GPR137C: variants seen among roughly 807,000 people sequenced by gnomAD.
The protein encoded by GPR137C is integral membrane protein GPR137C.
GPR137C carries 27 observed loss-of-function variants against 43.4 expected under a neutral mutation model. The observed-to-expected ratio is 0.62, with a 90% CI of 0.46 to 0.86. The LOEUF is 0.86. Ranked by LOEUF, GPR137C falls within the 40% of genes least tolerant of loss-of-function variation. GPR137C has a pLI of 0.00. For missense variants in GPR137C, 522 were observed against 534.6 expected (o/e 0.98, Z 0.23); for synonymous variants, 285 against 226.9 (o/e 1.26, Z -2.30).
chr14:52,586,850 A>G (rs2038720113), intron 1 of GPR137C, among the ~76,000 whole-genome samples: 1 of 152,152 alleles, frequency 6.6e-6, no homozygotes, highest in African/African-American at 2.4e-5. Context: ...TCATTCTATC[A>G]ATTGTTTAGA....
In GPR137C at chr14:52,636,311, C is replaced by G. The variant is rs1340019338; in HGVS notation, c.*1196C>G. The G allele has an allele frequency of 6.6e-6, 1 of 151,854 alleles. No individual in the cohort carries two copies. The highest frequency in any genetic ancestry group is 1.5e-5 in the Non-Finnish European group (1 of 67,924). The allele number at this position is 151,854 out of a possible 1,614,324, so 9.4% of individuals were successfully genotyped here. ...ATTACATTAAAACTGTCTTAAATGT[C>G]CTATCCCAAATCTAAAAAAAAAGAA... On this transcript the variant is annotated 3_prime_UTR_variant, in exon 7 of 7. Coordinates refer to ENST00000321662, the MANE Select transcript of GPR137C (RefSeq NM_001099652.2).
At chr14:52,618,558 T>C (rs2039124622) in intron 3 of GPR137C, among the ~76,000 whole-genome samples, 1 of 152,124 alleles carries the variant, frequency 6.6e-6, no homozygotes, top group Non-Finnish European at 1.5e-5. Context: ...GCTGTTTGAT[T>C]TGCCTTCATT....
chr14:52,633,985 A>G (rs550177000), intron 6 of GPR137C, 39 bp downstream of exon 6: 3 of 1,183,662 alleles, frequency 2.5e-6, no homozygotes, highest in Non-Finnish European at 3.8e-6. Flanking sequence ...ATTACTATTG[A>G]AATTGATTGA....
At chr14:52,561,451 C>T (rs1401125499) in intron 1 of GPR137C, among the ~76,000 whole-genome samples, 1 of 152,090 alleles carries the variant, frequency 6.6e-6, no homozygotes, top group Non-Finnish European at 1.5e-5. Flanking sequence ...CAAAACAAAA[C>T]TTATGGAGAA....
intron 1 of GPR137C, 67 bp downstream of exon 1, chr14:52,553,658 T>G (rs1180637758): frequency 4.5e-4 from 301 of 674,684 alleles, no homozygotes; most frequent in Middle Eastern, 7.9e-4. Flanking sequence ...CAACTCCCGC[T>G]GAGGACCAGC....
intron 1 of GPR137C, among the ~76,000 whole-genome samples, chr14:52,558,988 A>G (rs2038237654): frequency 6.6e-6 from 1 of 152,188 alleles, no homozygotes; most frequent in South Asian, 2.1e-4. Context: ...AAGGGAAAAT[A>G]AGAGTTTACG....
At chr14:52,620,067 T>G (rs1461215344) in intron 3 of GPR137C, among the ~76,000 whole-genome samples, 3 of 152,066 alleles carry the variant, frequency 2.0e-5, no homozygotes, top group Non-Finnish European at 4.4e-5. Context: ...GAACAACCAC[T>G]TAGAAGAAGA....
chr14:52,580,150 A>G (rs557404807), intron 1 of GPR137C, among the ~76,000 whole-genome samples: 1 of 152,004 alleles, frequency 6.6e-6, no homozygotes, highest in South Asian at 2.1e-4. Context: ...TTCCTATTCT[A>G]CTCAGATTTA....
At chr14:52,612,338 A>G in intron 3 of GPR137C, 5 of 905,486 alleles carry the variant, frequency 5.5e-6, no homozygotes, top group Non-Finnish European at 6.6e-6. Flanking sequence ...AGGCTGCATA[A>G]CATTTCATCA....
In GPR137C at chr14:52,635,107, CA is replaced by C; in HGVS notation, c.1286del (p.Asn429ThrfsTer8). ...TCATCATAGCTTATATGTGACACCA[CA>C]AAACTGACAGCATCACCAAGTCATG... Reference protein sequence around the residue: ...NNHHSLYVTPQN With the variant: ...NNHHSLYVTPXN On this transcript the variant is annotated frameshift_variant, in exon 7 of 7. Transcript: ENST00000321662. LOFTEE classifies it high-confidence loss of function. 6.4e-7 allele frequency: 1 copy of C among 1,561,048 alleles called. No individual in the cohort carries two copies. The highest frequency in any genetic ancestry group is 1.2e-5 in the South Asian group (1 of 81,816).
chr14:52,597,823 T>G (rs915126319), intron 1 of GPR137C, among the ~76,000 whole-genome samples: 2 of 152,226 alleles, frequency 1.3e-5, no homozygotes, highest in Non-Finnish European at 2.9e-5. Context: ...GTGTTCACTT[T>G]TGGTACCTCA....
At chr14:52,634,434 T>C (rs1475619944) in intron 6 of GPR137C, among the ~76,000 whole-genome samples, 2 of 152,104 alleles carry the variant, frequency 1.3e-5, no homozygotes, top group African/African-American at 4.8e-5. Flanking sequence ...GAAAGCTTAA[T>C]GGCTGAAGCC....
At chr14:52,628,034 G>C (rs922618671) in intron 3 of GPR137C, among the ~76,000 whole-genome samples, 1 of 152,132 alleles carries the variant, frequency 6.6e-6, no homozygotes, top group Admixed American at 6.5e-5. Context: ...CTCTCATGTG[G>C]CTAGTGGCTA....
chr14:52,601,505 T>TAG (rs1370937471), intron 3 of GPR137C, among the ~76,000 whole-genome samples: 38 of 151,526 alleles, frequency 2.5e-4, no homozygotes, highest in Admixed American at 9.2e-4. Flanking sequence ...TGTGTATATA[T>TAG]ATATAGAGAG....
chr14:52,627,615 G>C (rs535318647), intron 3 of GPR137C, among the ~76,000 whole-genome samples: 1 of 152,224 alleles, frequency 6.6e-6, no homozygotes, highest in East Asian at 1.9e-4. Flanking sequence ...GGGAGGCCGA[G>C]GTGGGTGGAT....
chr14:52,632,027 A>G, intron 3 of GPR137C, 133 bp from the exon 4 acceptor site: 1 of 577,372 alleles, frequency 1.7e-6, no homozygotes, highest in Non-Finnish European at 3.1e-6. Context: ...CAAGATAATC[A>G]AGAGTTTATT....
intron 1 of GPR137C, among the ~76,000 whole-genome samples, chr14:52,592,984 T>C (rs529006553): frequency 6.6e-6 from 1 of 152,290 alleles, no homozygotes; most frequent in South Asian, 2.1e-4. Flanking sequence ...AAATAGCTCT[T>C]ATTATTTTGA....
chr14:52,557,186 T>G (rs918916279), intron 1 of GPR137C, among the ~76,000 whole-genome samples: 1 of 152,188 alleles, frequency 6.6e-6, no homozygotes, highest in Admixed American at 6.5e-5. Flanking sequence ...TTACATATTT[T>G]TATCTCCAGC....
Position 52,599,180 on chromosome 14 carries a change from C to T in GPR137C, c.488+865C>T, listed in dbSNP as rs76778540. ...TACTTGATACACATAGCAGCCTTAACTGAAGAGTTCTTATGAGGTAGCCTA... is the reference window on the plus strand; with the variant it reads ...TACTTGATACACATAGCAGCCTTAATTGAAGAGTTCTTATGAGGTAGCCTA... On this transcript the variant is annotated intron_variant, in intron 2 of 6. Coordinates refer to ENST00000321662, the MANE Select transcript of GPR137C (RefSeq NM_001099652.2). Among the ~76,000 whole-genome samples the T allele has an allele frequency of 3.6e-3, 552 of 152,276 alleles. 1 individual carries two copies. Among genetic ancestry groups the T allele is most frequent in the Admixed American group, 6.1e-3 (93 of 15,294 alleles).
Sources: allele counts gnomAD v4.1 joint callset (sites outside exome capture counted in the v4.1 genomes callset), GRCh38; gene constraint gnomAD v4.1.1; transcripts MANE v1.5; gene names NCBI Gene and HGNC (gene_info 2026-07-23, HGNC 2026-07-21).